FILIP1L: variants seen among roughly 807,000 people sequenced by gnomAD.
FILIP1L encodes the protein filamin A interacting protein 1 like.
In FILIP1L, 55 loss-of-function variants were observed where a neutral mutation model predicts 96.6. The observed-to-expected ratio is 0.57, with a 90% CI of 0.46 to 0.71. The LOEUF (loss-of-function observed/expected upper bound fraction) is 0.71, where lower values mean the gene tolerates loss of function less well. FILIP1L is among the 30% of genes least tolerant of loss of function. The probability of loss-of-function intolerance (pLI) is 0.00; values close to 1 mark genes in which losing one functional copy is unlikely to be tolerated. For synonymous variants in FILIP1L, 467 were observed against 473.9 expected (o/e 0.99, Z 0.19); for missense variants, 1,304 against 1,321.2 (o/e 0.99, Z 0.20).
At chr3:100,104,711 A>T (rs980555096) in intron 1 of FILIP1L, among the ~76,000 whole-genome samples, 1 of 152,112 alleles carries the variant, frequency 6.6e-6, no homozygotes, top group Non-Finnish European at 1.5e-5. Context: ...GGTGATTTGC[A>T]CTGATGTTCT....
chr3:99,930,160 T>G, intron 2 of FILIP1L, 131 bp from the exon 3 acceptor site: 2 of 755,488 alleles, frequency 2.6e-6, no homozygotes, highest in Non-Finnish European at 4.2e-6. Context: ...ATTTTCACAC[T>G]TTTATAAAAG....
intron 1 of FILIP1L, among the ~76,000 whole-genome samples, chr3:99,999,471 A>C (rs1403357308): frequency 1.3e-5 from 2 of 152,210 alleles, no homozygotes; most frequent in Non-Finnish European, 2.9e-5. Flanking sequence ...TGTTTAGTAG[A>C]TTATCGACAG....
intron 1 of FILIP1L, among the ~76,000 whole-genome samples, chr3:100,072,941 A>G (rs1406800035): frequency 2.0e-5 from 3 of 152,222 alleles, no homozygotes; most frequent in African/African-American, 4.8e-5. Flanking sequence ...GTCACAGGGT[A>G]GGGAGAATAA....
rs372913964 is a variant in FILIP1L at position 100,004,056 on chromosome 3, G to A, written c.-10-73026C>T. Among the ~76,000 whole-genome samples, 7 of 152,252 alleles carry A rather than the reference G, an allele frequency of 4.6e-5. No homozygotes were observed. The East Asian group carries it at 7.7e-4, about 17-fold the overall frequency. On this transcript the variant is annotated intron_variant, in intron 1 of 5. Coordinates refer to ENST00000477258, the MANE Select transcript of FILIP1L (RefSeq NM_001387850.1). ...GGTAAGCATCTTGCCTTACTCAGAT[G>A]GTTACCAAAACTGGAGGCAAAATCC...
chr3:99,850,780 G>A lies in FILIP1L; in HGVS notation c.896C>T (p.Thr299Ile). 1 of 1,614,192 alleles carries A rather than the reference G, an allele frequency of 6.2e-7. No individual in the cohort carries two copies. The change falls in exon 5 of 6, where the codon ACC becomes ATC. Residue 299 changes from threonine (T) to isoleucine (I), a missense_variant. Physicochemically the swap from Thr to Ile is moderately conservative, Grantham distance 89. Coordinates refer to ENST00000477258, the MANE Select transcript of FILIP1L (RefSeq NM_001387850.1). ...GTCTTGGTCTTGGTGAAACTTTGTG[G>A]TCTGCGTTTGCAGTTCCTTCTCTAG... Reference protein sequence around the residue: ...TRLEKELQTQTTKFHQDQDTI... With the variant: ...TRLEKELQTQITKFHQDQDTI...
chr3:99,838,573 T>C (rs895053339), intron 5 of FILIP1L, among the ~76,000 whole-genome samples: 3 of 152,112 alleles, frequency 2.0e-5, no homozygotes, highest in African/African-American at 7.2e-5. Context: ...CATTAGACAA[T>C]CTGTCTGTCA....
rs1319100896 is a variant in FILIP1L at position 99,850,590 on chromosome 3, T to G, written c.1086A>C (p.Glu362Asp). The change falls in exon 5 of 6, where the codon GAA (glutamate) becomes GAC (aspartate). Residue 362 changes from glutamate (E) to aspartate (D), a missense_variant. Glu to Asp is a conservative substitution (Grantham distance 45). Transcript: ENST00000477258. Reference protein sequence around the residue: ...QDIKEKISKGEYGNAGIMAEV... With the variant: ...QDIKEKISKGDYGNAGIMAEV... ...CAGCCATGATACCAGCGTTTCCATA[T>G]TCTCCCTTACTGATTTTTTCTTTTA... The G allele has an allele frequency of 6.2e-7, 1 of 1,613,710 alleles. No individual in the cohort carries two copies. Among genetic ancestry groups the G allele is most frequent in the African/African-American group, 1.3e-5 (1 of 74,926 alleles).
intron 4 of FILIP1L, among the ~76,000 whole-genome samples, chr3:99,900,530 AG>A (rs910875744): frequency 1.6e-4 from 24 of 152,200 alleles, no homozygotes; most frequent in African/African-American, 5.5e-4. Flanking sequence ...TTTCAAACCA[AG>A]GAAGTTTGGC....
chr3:99,955,974 C>T (rs1708309371), intron 1 of FILIP1L, among the ~76,000 whole-genome samples: 2 of 152,156 alleles, frequency 1.3e-5, no homozygotes, highest in Non-Finnish European at 2.9e-5. Flanking sequence ...GCCTAACTCC[C>T]GGACTTGACC....
At chr3:99,974,566 G>A (rs13074023) in intron 1 of FILIP1L, among the ~76,000 whole-genome samples, 10 of 152,172 alleles carry the variant, frequency 6.6e-5, no homozygotes, top group East Asian at 3.9e-4. Context: ...AAAATTAGCC[G>A]GGTGGTGGTG....
At chr3:99,933,367 C>T (rs1407920673) in intron 1 of FILIP1L, among the ~76,000 whole-genome samples, 3 of 152,010 alleles carry the variant, frequency 2.0e-5, no homozygotes, top group Admixed American at 1.3e-4. Context: ...TTGAGAAAAG[C>T]AAAGGCATAG....
chr3:100,034,713 T>C (rs1317415822), intron 1 of FILIP1L, among the ~76,000 whole-genome samples: 1 of 152,188 alleles, frequency 6.6e-6, no homozygotes, highest in Non-Finnish European at 1.5e-5. Context: ...AAAGTACACC[T>C]GCTTGAAATA....
chr3:99,967,930 A>G (rs553103626), intron 1 of FILIP1L, among the ~76,000 whole-genome samples: 19 of 152,336 alleles, frequency 1.2e-4, no homozygotes, highest in African/African-American at 4.6e-4. Flanking sequence ...GTGCAACGGT[A>G]TGTGGGAGTG....
intron 1 of FILIP1L, among the ~76,000 whole-genome samples, chr3:100,077,553 G>T (rs1040645220): frequency 6.6e-6 from 1 of 152,144 alleles, no homozygotes; most frequent in African/African-American, 2.4e-5. Flanking sequence ...CCAGGTAGAG[G>T]AATTGCAAGA....
At chr3:99,928,374 A>G (rs1209528297) in intron 3 of FILIP1L, among the ~76,000 whole-genome samples, 3 of 152,184 alleles carry the variant, frequency 2.0e-5, no homozygotes, top group East Asian at 3.9e-4. Flanking sequence ...ATAAGGGGGA[A>G]GTAGAGGAAA....
chr3:100,067,153 A>G (rs1451934854), intron 1 of FILIP1L, among the ~76,000 whole-genome samples: 1 of 149,676 alleles, frequency 6.7e-6, no homozygotes, highest in East Asian at 2.0e-4. Flanking sequence ...AGCCCTGGCT[A>G]TGTTTTTGAT....
intron 4 of FILIP1L, among the ~76,000 whole-genome samples, chr3:99,877,588 G>A (rs973915072): frequency 2.6e-5 from 4 of 152,082 alleles, no homozygotes; most frequent in Non-Finnish European, 5.9e-5. Context: ...CTCTTCAGCC[G>A]AACTTAAAAT....
Position 100,087,467 on chromosome 3 carries a change from G to A in FILIP1L, c.-11+26586C>T, listed in dbSNP as rs544778931. Reference sequence around the variant, plus strand: ...TGGTATCTCCTTGTGGTTTTAATTTGTATTTCCACAATGACTAATGGTGTT... The same window carrying A: ...TGGTATCTCCTTGTGGTTTTAATTTATATTTCCACAATGACTAATGGTGTT... On this transcript the variant is annotated intron_variant, in intron 1 of 5. Transcript: ENST00000477258. Among the ~76,000 whole-genome samples, 6 of 152,174 alleles carry A rather than the reference G, an allele frequency of 3.9e-5. No individual in the cohort carries two copies. In the East Asian group the frequency reaches 5.8e-4, roughly 15 times the overall value.
intron 1 of FILIP1L, among the ~76,000 whole-genome samples, chr3:100,052,323 G>T (rs942866328): frequency 6.6e-6 from 1 of 152,192 alleles, no homozygotes; most frequent in African/African-American, 2.4e-5. Context: ...CCTTCTTATT[G>T]AATGGCACAT....
Sources: gnomAD v4.1 joint callset for allele counts (sites outside exome capture counted in the v4.1 genomes callset) on GRCh38, gnomAD v4.1.1 for gene constraint, MANE v1.5 for transcripts, NCBI Gene and HGNC (gene_info 2026-07-23, HGNC 2026-07-21) for gene names.